CPED1: variants seen among roughly 807,000 people sequenced by gnomAD.
CPED1 encodes cadherin-like and PC-esterase domain-containing protein 1.
A neutral mutation model predicts 128.2 loss-of-function variants in CPED1; 114 were observed. The observed-to-expected ratio is 0.89, with a 90% confidence interval of 0.76 to 1.04. CPED1 has a LOEUF of 1.04. CPED1 is among the 50% of genes least tolerant of loss of function. The pLI, the probability that CPED1 is intolerant of heterozygous loss-of-function variation, is 0.00. For synonymous variants in CPED1, 462 were observed against 426.7 expected, an observed-to-expected ratio of 1.08 and a Z score of -1.02; for missense variants, 1,211 against 1,207.1, an observed-to-expected ratio of 1.00 and a Z score of -0.05.
At chr7:121,190,510 T>C (rs1797111653) in intron 16 of CPED1, among the ~76,000 whole-genome samples, 1 of 151,932 alleles carries the variant, frequency 6.6e-6, no homozygotes, top group South Asian at 2.1e-4. Flanking sequence ...GTCTGAATAT[T>C]TTAAGGTGGA....
At chr7:121,121,553 A>G (rs1469192786) in intron 7 of CPED1, among the ~76,000 whole-genome samples, 1 of 152,226 alleles carries the variant, frequency 6.6e-6, no homozygotes, top group East Asian at 1.9e-4. Context: ...TTTTATTCAT[A>G]TTTATTTTAT....
chr7:121,141,843 A>C, intron 15 of CPED1, 130 bp from the exon 16 acceptor site: 1 of 622,424 alleles, frequency 1.6e-6, no homozygotes, highest in Non-Finnish European at 2.6e-6. Flanking sequence ...TAGGTTTCTT[A>C]TGAAATTGTA....
intron 16 of CPED1, among the ~76,000 whole-genome samples, chr7:121,150,255 T>C (rs943074124): frequency 1.3e-5 from 2 of 151,250 alleles, no homozygotes; most frequent in African/African-American, 4.9e-5. Flanking sequence ...TTCATGTCCA[T>C]GTATGCCCAG....
At chr7:121,261,816 T>C (rs1792024428) in intron 18 of CPED1, 2 of 1,260,350 alleles carry the variant, frequency 1.6e-6, no homozygotes. Flanking sequence ...TTTTTTGGGC[T>C]ATCTGTTACA....
chr7:121,043,638 C>T (rs1235818696), intron 3 of CPED1, among the ~76,000 whole-genome samples: 1 of 151,936 alleles, frequency 6.6e-6, no homozygotes, highest in South Asian at 2.1e-4. Context: ...GAGACAGAGC[C>T]CAAGCAGAGT....
chr7:121,086,282 G>A (rs1055779151), intron 5 of CPED1, among the ~76,000 whole-genome samples: 4 of 151,842 alleles, frequency 2.6e-5, no homozygotes, highest in African/African-American at 7.3e-5. Context: ...TTCCAATTAC[G>A]TGATTTATTG....
intron 16 of CPED1, among the ~76,000 whole-genome samples, chr7:121,173,231 C>T (rs957290788): frequency 2.0e-5 from 3 of 152,084 alleles, no homozygotes; most frequent in African/African-American, 7.2e-5. Context: ...GAAACAGGTA[C>T]TCCTATTAAT....
chr7:121,068,686 A>T (rs1793916271), intron 5 of CPED1, among the ~76,000 whole-genome samples: 1 of 149,844 alleles, frequency 6.7e-6, no homozygotes, highest in South Asian at 2.1e-4. Context: ...ATGGCATTGA[A>T]TCTATAAATT....
intron 4 of CPED1, among the ~76,000 whole-genome samples, chr7:121,062,546 A>G (rs1410934297): frequency 6.6e-6 from 1 of 152,138 alleles, no homozygotes; most frequent in African/African-American, 2.4e-5. Context: ...TTCTTTTTCT[A>G]CATTTAGTTT....
In CPED1 at chr7:121,221,225, G is replaced by A. The variant is rs574411630; in HGVS notation, c.2056-15489G>A. ...GAGAACATGCAGTGTTTGGTTTTCT[G>A]TCTTTGTGATAGTTTACTCAGAATG... On this transcript the variant is annotated intron_variant, in intron 16 of 22. Coordinates refer to ENST00000310396, the MANE Select transcript of CPED1 (RefSeq NM_024913.5). 1.3e-3 allele frequency among the ~76,000 whole-genome samples: 205 copies of A among 152,150 alleles called. 3 individuals carry two copies. Among genetic ancestry groups the A allele is most frequent in the African/African-American group, 4.8e-3 (200 of 41,530 alleles).
intron 5 of CPED1, among the ~76,000 whole-genome samples, chr7:121,067,482 A>C (rs934216843): frequency 1.1e-4 from 17 of 152,164 alleles, no homozygotes; most frequent in African/African-American, 7.2e-5. Context: ...CATGGTGTAC[A>C]CGTGCCACAT....
chr7:121,041,050 A>T (rs1270177435), intron 3 of CPED1, among the ~76,000 whole-genome samples: 1 of 152,034 alleles, frequency 6.6e-6, no homozygotes, highest in African/African-American at 2.4e-5. Context: ...TCTCATGTTT[A>T]TTTCTCTTCT....
intron 3 of CPED1, among the ~76,000 whole-genome samples, chr7:121,018,970 C>T (rs921220323): frequency 2.0e-5 from 3 of 151,944 alleles, no homozygotes; most frequent in African/African-American, 4.8e-5. Flanking sequence ...TTTTGAGTAA[C>T]ATAATAGGAT....
At chr7:121,020,663 A>T (rs1276744678) in intron 3 of CPED1, among the ~76,000 whole-genome samples, 1 of 151,944 alleles carries the variant, frequency 6.6e-6, no homozygotes, top group African/African-American at 2.4e-5. Flanking sequence ...AATAAAATGT[A>T]CATATAAAAT....
In CPED1 at chr7:121,141,707, C is replaced by A. The variant is rs1250012746; in HGVS notation, c.1887-266C>A. Among the ~76,000 whole-genome samples, 5 of 152,056 alleles carry A rather than the reference C, an allele frequency of 3.3e-5. No individual in the cohort carries two copies. The South Asian group carries it at 8.3e-4, about 25-fold the overall frequency. On this transcript the variant is annotated intron_variant, in intron 15 of 22. Transcript: ENST00000310396. ...TTGTATTAAATGAGATAATGTGTGA[C>A]CCTGGCAGGTGGTTAATAAATATTA...
intron 13 of CPED1, among the ~76,000 whole-genome samples, chr7:121,134,297 C>T (rs1442568444): frequency 6.6e-6 from 1 of 151,886 alleles, no homozygotes. Context: ...ATAGATAGTC[C>T]TGGAGAATGT....
At chr7:121,032,927 G>A (rs1336278401) in intron 3 of CPED1, among the ~76,000 whole-genome samples, 1 of 152,088 alleles carries the variant, frequency 6.6e-6, no homozygotes. Flanking sequence ...CTTGTCTTAG[G>A]CGACAGCCCT....
chr7:121,193,697 C>G, intron 16 of CPED1, among the ~76,000 whole-genome samples: 1 of 152,056 alleles, frequency 6.6e-6, no homozygotes, highest in South Asian at 2.1e-4. Flanking sequence ...TCAATAACCC[C>G]ACTATGTAAG....
intron 18 of CPED1, among the ~76,000 whole-genome samples, chr7:121,264,463 G>A (rs1190739421): frequency 6.6e-6 from 1 of 152,042 alleles, no homozygotes; most frequent in Non-Finnish European, 1.5e-5. Context: ...AATGCAACCT[G>A]GCTGAGAGGA....
Sources: gnomAD v4.1 joint callset for allele counts (sites outside exome capture counted in the v4.1 genomes callset) on GRCh38, gnomAD v4.1.1 for gene constraint, MANE v1.5 for transcripts, NCBI Gene and HGNC (gene_info 2026-07-23, HGNC 2026-07-21) for gene names.